The following SEMA6A variants were observed in gnomAD, a reference collection of about 807,000 sequenced individuals.
SEMA6A encodes semaphorin 6A.
Under a neutral mutation model 96.8 loss-of-function variants are expected in SEMA6A, and 25 were observed. The ratio of observed to expected loss-of-function variants is 0.26; its 90% CI spans 0.19 to 0.36. SEMA6A has a LOEUF of 0.36. Ranked by LOEUF, SEMA6A falls within the 10% of genes least tolerant of loss-of-function variation. The probability of loss-of-function intolerance (pLI) is 1.00; values close to 1 mark genes in which losing one functional copy is unlikely to be tolerated. For synonymous variants in SEMA6A, 612 were observed against 518.0 expected (o/e 1.18, Z -2.46); for missense variants, 1,363 against 1,323.1 (o/e 1.03, Z -0.47).
intron 17 of SEMA6A, among the ~76,000 whole-genome samples, chr5:116,471,886 T>G (rs1756166918): frequency 6.6e-6 from 1 of 152,236 alleles, no homozygotes; most frequent in Non-Finnish European, 1.5e-5. Context: ...CATTGCTTTC[T>G]TTTCCTTCCC....
chr5:116,484,129 T>G (rs1756925312), intron 10 of SEMA6A, among the ~76,000 whole-genome samples: 1 of 151,974 alleles, frequency 6.6e-6, no homozygotes, highest in African/African-American at 2.4e-5. Flanking sequence ...AACCTTTGCA[T>G]TATTTATTTG....
rs756725923 is a variant in SEMA6A, at chr5:116,447,666, G to A, written c.2040C>T (p.Asp680=). 52 of 1,613,890 alleles carry A rather than the reference G, an allele frequency of 3.2e-5. No individual in the cohort carries two copies. In the Admixed American group the frequency reaches 8.2e-4, roughly 25 times the overall value. Residue 680 remains aspartate (D), a synonymous_variant, in exon 19 of 19, where the codon GAC becomes GAT. Transcript: ENST00000343348. ...TCTCCTTGCGCTGCACCACAGCCAC[G>A]TCTTTGCGCCGATGATCACAGACGC... The part of the protein sequence containing the change: ...VYCVCDHRRK[D]VAVVQRKEKE...
chr5:116,469,679 A>T (rs1755987367), intron 17 of SEMA6A: 1 of 152,242 alleles, frequency 6.6e-6, no homozygotes. Context: ...AGGCAATTTT[A>T]TGGTAATGCC....
intron 11 of SEMA6A, among the ~76,000 whole-genome samples, chr5:116,481,880 T>A (rs1756793151): frequency 6.6e-6 from 1 of 152,156 alleles, no homozygotes; most frequent in Non-Finnish European, 1.5e-5. Context: ...AGGAGGACAC[T>A]GCACTGTATT....
chr5:116,503,442 A>G (rs1441021257), intron 2 of SEMA6A, among the ~76,000 whole-genome samples: 1 of 152,148 alleles, frequency 6.6e-6, no homozygotes, highest in Non-Finnish European at 1.5e-5. Context: ...AAACAACTCA[A>G]ATGTCTCTAC....
At chr5:116,495,359 T>C in intron 6 of SEMA6A, 54 bp downstream of exon 6, 2 of 1,332,790 alleles carry the variant, frequency 1.5e-6, no homozygotes, top group Non-Finnish European at 2.1e-6. Flanking sequence ...ACAATCACAG[T>C]AAATTATGAA....
At chr5:116,551,439 T>C (rs1760407074) in intron 1 of SEMA6A, among the ~76,000 whole-genome samples, 1 of 151,682 alleles carries the variant, frequency 6.6e-6, no homozygotes. Context: ...TAGGAAACAC[T>C]TATCTAGTGC....
intron 1 of SEMA6A, among the ~76,000 whole-genome samples, chr5:116,563,998 GT>G (rs1760924299): frequency 1.8e-5 from 1 of 56,414 alleles, no homozygotes; most frequent in Admixed American, 2.2e-4. Context: ...GACACTTAAA[GT>G]GTTTCTCCAC....
chr5:116,560,608 T>C (rs888837690), intron 1 of SEMA6A, among the ~76,000 whole-genome samples: 4 of 151,978 alleles, frequency 2.6e-5, no homozygotes, highest in Admixed American at 6.6e-5. Flanking sequence ...CAGGAGGATA[T>C]TCCTGACAGA....
intron 18 of SEMA6A, among the ~76,000 whole-genome samples, chr5:116,465,875 T>C (rs1227658186): frequency 6.6e-6 from 1 of 152,134 alleles, no homozygotes; most frequent in African/African-American, 2.4e-5. Context: ...CTACTGAGTT[T>C]TCTCTTCTTG....
chr5:116,523,171 C>G (rs1050866003), intron 1 of SEMA6A, among the ~76,000 whole-genome samples: 1 of 152,134 alleles, frequency 6.6e-6, no homozygotes, highest in Non-Finnish European at 1.5e-5. Flanking sequence ...AAGAAAGGAG[C>G]AAAGGCATGT....
chr5:116,524,102 C>T (rs1053770170), intron 1 of SEMA6A, among the ~76,000 whole-genome samples: 1 of 152,152 alleles, frequency 6.6e-6, no homozygotes, highest in Admixed American at 6.5e-5. Flanking sequence ...TCTTTTCCAG[C>T]ATGGGGCGTG....
chr5:116,490,000 G>GTAC (rs1435624247), intron 7 of SEMA6A, among the ~76,000 whole-genome samples: 1 of 152,104 alleles, frequency 6.6e-6, no homozygotes, highest in Non-Finnish European at 1.5e-5. Flanking sequence ...ATACAACATA[G>GTAC]TACTGTTCAA....
In SEMA6A at chr5:116,549,016, C is replaced by T. The variant is rs554674541; in HGVS notation, c.-39+25169G>A. Among the ~76,000 whole-genome samples, 21 of 152,262 alleles carry T rather than the reference C, an allele frequency of 1.4e-4. No homozygotes were observed. In the East Asian group the frequency reaches 4.0e-3, roughly 29 times the overall value. On this transcript the variant is annotated intron_variant, in intron 1 of 18. Coordinates refer to ENST00000343348, the MANE Select transcript of SEMA6A (RefSeq NM_020796.5). ...AGCTGATGGAAAGACCAAATAAGCA[C>T]TTTTCAGGCTCTCTGATGAATCAAC...
intron 1 of SEMA6A, among the ~76,000 whole-genome samples, chr5:116,564,223 C>G (rs1760935465): frequency 6.6e-6 from 1 of 152,074 alleles, no homozygotes; most frequent in Admixed American, 6.5e-5. Context: ...TAAAACGCTG[C>G]CTTGAAGCTC....
At chr5:116,475,474 C>T (rs1425915772) in intron 16 of SEMA6A, 71 bp downstream of exon 16, 12 of 1,034,176 alleles carry the variant, frequency 1.2e-5, no homozygotes, top group Non-Finnish European at 1.7e-5. Flanking sequence ...CACATGTGAG[C>T]TGATGTTTCT....
intron 6 of SEMA6A, among the ~76,000 whole-genome samples, chr5:116,493,130 G>A (rs953765015): frequency 2.0e-5 from 3 of 152,154 alleles, no homozygotes; most frequent in Admixed American, 6.5e-5. Flanking sequence ...AAGAGGTGAC[G>A]GCATTATTAT....
chr5:116,476,908 C>G (rs192407494), intron 15 of SEMA6A, among the ~76,000 whole-genome samples: 59 of 152,306 alleles, frequency 3.9e-4, no homozygotes, highest in Non-Finnish European at 4.9e-4. Flanking sequence ...TAGTTATCAT[C>G]AGCTCTGTTT....
At chr5:116,542,724 C>T (rs1760024051) in intron 1 of SEMA6A, among the ~76,000 whole-genome samples, 2 of 152,184 alleles carry the variant, frequency 1.3e-5, no homozygotes, top group South Asian at 4.1e-4. Flanking sequence ...TTATCTTAAA[C>T]CCTGGTCAAG....
Sources: allele counts gnomAD v4.1 joint callset (sites outside exome capture counted in the v4.1 genomes callset), GRCh38; gene constraint gnomAD v4.1.1; transcripts MANE v1.5; gene names NCBI Gene and HGNC (gene_info 2026-07-23, HGNC 2026-07-21).